NAV2: variants seen among roughly 807,000 people sequenced by gnomAD.
NAV2 encodes the protein neuron navigator 2.
Under a neutral mutation model 223.2 loss-of-function variants are expected in NAV2, and 54 were observed. The observed-to-expected ratio is 0.24, with a 90% CI of 0.19 to 0.30. The LOEUF (loss-of-function observed/expected upper bound fraction) is 0.30. Ranked by LOEUF, NAV2 falls within the 10% of genes least tolerant of loss-of-function variation. NAV2 has a pLI of 1.00. For synonymous variants in NAV2, 1,279 were observed against 1,239.3 expected, an observed-to-expected ratio of 1.03 and a Z score of -0.67; for missense variants, 2,806 against 3,147.5, an observed-to-expected ratio of 0.89 and a Z score of 2.60.
intron 17 of NAV2, 53 bp from the exon 18 acceptor site, chr11:20,054,027 A>T (rs35849418): frequency 0.049 from 77,003 of 1,568,752 alleles, 2,130 homozygotes; most frequent in Non-Finnish European, 0.057. Flanking sequence ...CACAGAGTTC[A>T]TTTTAATAAG....
In NAV2 at chr11:20,048,914, C is replaced by A; in HGVS notation, c.4089C>A (p.Asn1363Lys). 6.2e-7 allele frequency: 1 copy of A among 1,614,182 alleles called. No individual in the cohort carries two copies. The highest frequency in any genetic ancestry group is 8.5e-7 in the Non-Finnish European group (1 of 1,180,028). ...SPLYSKNVDL[N>K]QSPLASSPSS... ...TCTACAGCAAGAATGTGGACCTCAA[C>A]CAGTCTCCGCTAGCCTCCAGCCCCA... Residue 1363 changes from asparagine to lysine, a missense_variant, in exon 15 of 38, where the codon AAC (asparagine) becomes AAA (lysine). Asn to Lys is a moderately conservative substitution (Grantham distance 94, BLOSUM62 0). Coordinates refer to ENST00000349880, the MANE Select transcript of NAV2 (RefSeq NM_145117.5).
intron 12 of NAV2, among the ~76,000 whole-genome samples, chr11:20,041,292 AC>A (rs1413536291): frequency 6.6e-6 from 1 of 152,126 alleles, no homozygotes; most frequent in Non-Finnish European, 1.5e-5. Flanking sequence ...CTACTTCCTC[AC>A]TATGTGATCT....
chr11:19,948,844 G>T lies in NAV2; in HGVS notation c.2409G>T (p.Gly803=). ...QAGDAPSMGN[G]YPPRANASRF... is the part of the protein sequence containing the mutation. ...GAGACGCCCCCTCAATGGGCAATGG[G>T]TATCCCCCTCGAGCCAACGCCAGCA... Residue 803 remains glycine, a synonymous_variant, in exon 10 of 38, where the codon GGG becomes GGT. Transcript: ENST00000349880. The T allele has an allele frequency of 6.2e-7, 1 of 1,614,046 alleles. No individual in the cohort carries two copies. Among genetic ancestry groups the T allele is most frequent in the Non-Finnish European group, 8.5e-7 (1 of 1,180,032 alleles).
At chr11:19,699,484 C>A (rs1474474536) in intron 1 of NAV2, among the ~76,000 whole-genome samples, 1 of 152,066 alleles carries the variant, frequency 6.6e-6, no homozygotes. Flanking sequence ...CAGAAAGATA[C>A]CAGTATGAAG....
In NAV2 at chr11:19,639,102, A is replaced by G. The variant is rs2047584919; in HGVS notation, c.76-193382A>G. ...ATCCTTAGAAAGTCCTGCTCACAAG[A>G]TTGGCCCTTGACTAGCATCTAAGAA... On this transcript the variant is annotated intron_variant, in intron 1 of 37. Coordinates refer to the NAV2 transcript ENST00000360655. Among the ~76,000 whole-genome samples, 4 of 152,350 alleles carry G rather than the reference A, an allele frequency of 2.6e-5. 1 individual carries two copies. The South Asian group carries it at 8.3e-4, about 32-fold the overall frequency.
chr11:19,538,515 T>A (rs931404201), intron 1 of NAV2, among the ~76,000 whole-genome samples: 2 of 139,856 alleles, frequency 1.4e-5, no homozygotes, highest in African/African-American at 3.1e-5. Flanking sequence ...TAACTTTTGT[T>A]TTTGTTTTTT....
rs752637787 is a variant in NAV2 at position 19,879,936 on chromosome 11, G to A, written c.579G>A (p.Gln193=). Residue 193 remains glutamine (Q), a synonymous_variant, in exon 5 of 38, where the codon CAG becomes CAA. Coordinates refer to ENST00000349880, the MANE Select transcript of NAV2 (RefSeq NM_145117.5). The part of the protein sequence containing the change: ...LFFSLSRYKQ[Q]QQQPQKQHLS... ...TCAGCCTCTCCCGATACAAGCAGCA[G>A]CAGCAGCAGCCCCAGAAGCAGCACC... The A allele has an allele frequency of 6.2e-7, 1 of 1,613,438 alleles. No homozygotes were observed. Among genetic ancestry groups the A allele is most frequent in the Non-Finnish European group, 8.5e-7 (1 of 1,180,030 alleles).
intron 11 of NAV2, chr11:20,027,189 C>A (rs2055173826): frequency 3.6e-6 from 3 of 837,058 alleles, no homozygotes; most frequent in Non-Finnish European, 4.3e-6. Context: ...AGTTAACATA[C>A]CTGTTTGGTG....
intron 1 of NAV2, among the ~76,000 whole-genome samples, chr11:19,629,969 A>C (rs1304577798): frequency 6.6e-6 from 1 of 152,034 alleles, no homozygotes; most frequent in Admixed American, 6.6e-5. Flanking sequence ...CTCTACCAAA[A>C]TTCTGTACCC....
intron 22 of NAV2, among the ~76,000 whole-genome samples, chr11:20,077,223 G>A (rs998698256): frequency 2.1e-4 from 32 of 152,068 alleles, no homozygotes; most frequent in African/African-American, 7.3e-4. Context: ...TGAGGGTGTC[G>A]TGAAAGTACG....
intron 11 of NAV2, among the ~76,000 whole-genome samples, chr11:20,034,781 G>C (rs1256665901): frequency 6.6e-6 from 1 of 152,148 alleles, no homozygotes; most frequent in Non-Finnish European, 1.5e-5. Flanking sequence ...AGTGTGACAG[G>C]CTTGATGGCT....
rs559171679 is a variant in NAV2 at position 19,722,948 on chromosome 11, G to A, written c.267+8986G>A. ...GAGGCAGATTCCTTTGCACAAGGCTGTTTATGATATCCAAACTCTCTGGCT... is the reference window on the plus strand; with the variant it reads ...GAGGCAGATTCCTTTGCACAAGGCTATTTATGATATCCAAACTCTCTGGCT... On this transcript the variant is annotated intron_variant, in intron 1 of 37. Transcript: ENST00000349880. Among the ~76,000 whole-genome samples, 261 of 152,330 alleles carry A rather than the reference G, an allele frequency of 1.7e-3. No individual in the cohort carries two copies. The Middle Eastern group carries it at 0.024, about 14-fold the overall frequency.
chr11:19,502,219 CT>C, intron 1 of NAV2, among the ~76,000 whole-genome samples: 1 of 152,266 alleles, frequency 6.6e-6, no homozygotes, highest in South Asian at 2.1e-4. Flanking sequence ...GTTCAAATCC[CT>C]GCTCTGCTCC....
chr11:19,349,159 A>G (rs1471626556), upstream of NAV2, among the ~76,000 whole-genome samples: 2 of 152,206 alleles, frequency 1.3e-5, no homozygotes, highest in Admixed American at 6.5e-5. Context: ...TCTGCTCCTC[A>G]CTGATTCTTA....
intron 1 of NAV2, among the ~76,000 whole-genome samples, chr11:19,371,272 C>A (rs954640969): frequency 2.0e-5 from 3 of 152,064 alleles, no homozygotes; most frequent in Non-Finnish European, 1.5e-5. Flanking sequence ...GGGGCAATGC[C>A]GTTTGGAGAG....
chr11:19,543,738 G>A (rs2044403589), intron 1 of NAV2, among the ~76,000 whole-genome samples: 1 of 152,186 alleles, frequency 6.6e-6, no homozygotes, highest in South Asian at 2.1e-4. Context: ...GTGTTCAAAA[G>A]TTACTTCTCT....
chr11:19,885,492 C>T (rs2153107886), intron 5 of NAV2, among the ~76,000 whole-genome samples: 1 of 152,310 alleles, frequency 6.6e-6, no homozygotes, highest in East Asian at 1.9e-4. Context: ...CTTATTATGA[C>T]TGGTATTTAT....
intron 1 of NAV2, among the ~76,000 whole-genome samples, chr11:19,817,594 C>A (rs1309532610): frequency 1.3e-5 from 2 of 152,060 alleles, no homozygotes; most frequent in Non-Finnish European, 2.9e-5. Context: ...TTTGGGAGAC[C>A]AGTGCCAAAA....
intron 1 of NAV2, among the ~76,000 whole-genome samples, chr11:19,574,341 G>A (rs908326173): frequency 1.3e-5 from 2 of 152,176 alleles, no homozygotes; most frequent in Non-Finnish European, 2.9e-5. Flanking sequence ...AAAATGAGAG[G>A]TTTCATTCAG....
Sources: allele counts gnomAD v4.1 joint callset (sites outside exome capture counted in the v4.1 genomes callset), GRCh38; gene constraint gnomAD v4.1.1; transcripts MANE v1.5; gene names NCBI Gene and HGNC (gene_info 2026-07-23, HGNC 2026-07-21).